The following KCNH8 variants were observed in gnomAD, a reference collection of about 807,000 sequenced individuals.
KCNH8 encodes potassium voltage-gated channel subfamily H member 8, also known as voltage-gated delayed rectifier potassium channel KCNH8.
KCNH8 carries 70 observed loss-of-function variants against 103.6 expected under a neutral mutation model. The ratio of observed to expected loss-of-function variants is 0.68; its 90% CI spans 0.56 to 0.82. The LOEUF (loss-of-function observed/expected upper bound fraction) is 0.82, where lower values mean the gene tolerates loss of function less well. Ranked by LOEUF, KCNH8 falls within the 40% of genes least tolerant of loss-of-function variation. KCNH8 has a pLI of 0.00. For missense variants in KCNH8, 1,217 were observed against 1,329.9 expected, an observed-to-expected ratio of 0.92 and a Z score of 1.32; for synonymous variants, 498 against 489.4, an observed-to-expected ratio of 1.02 and a Z score of -0.23.
intron 11 of KCNH8, among the ~76,000 whole-genome samples, chr3:19,479,273 T>C (rs985192755): frequency 6.6e-6 from 1 of 152,176 alleles, no homozygotes; most frequent in African/African-American, 2.4e-5. Context: ...TGTACTTCTG[T>C]ATCAGAAGTG....
At chr3:19,271,190 G>C (rs1175032500) in intron 2 of KCNH8, among the ~76,000 whole-genome samples, 2 of 152,120 alleles carry the variant, frequency 1.3e-5, no homozygotes, top group Admixed American at 6.6e-5. Context: ...GAAACTGAGA[G>C]TCATATGATT....
At chr3:19,231,181 T>G (rs2063990486) in intron 1 of KCNH8, among the ~76,000 whole-genome samples, 1 of 152,120 alleles carries the variant, frequency 6.6e-6, no homozygotes, top group South Asian at 2.1e-4. Flanking sequence ...TCTTAAAAAT[T>G]TGATTTATTA....
At chr3:19,236,536 CTGGTTAAAA>C (rs1447150133) in intron 1 of KCNH8, among the ~76,000 whole-genome samples, 3 of 152,132 alleles carry the variant, frequency 2.0e-5, no homozygotes, top group Non-Finnish European at 4.4e-5. Flanking sequence ...TAAGAGGGCA[CTGGTTAAAA>C]TCTTATAATT....
At chr3:19,493,055 G>C (rs754593495) in intron 11 of KCNH8, among the ~76,000 whole-genome samples, 1 of 151,072 alleles carries the variant, frequency 6.6e-6, no homozygotes, top group Non-Finnish European at 1.5e-5. Context: ...AAATGCTATT[G>C]ATTTTTGTAC....
chr3:19,272,085 A>G (rs1420941996), intron 2 of KCNH8, among the ~76,000 whole-genome samples: 1 of 152,112 alleles, frequency 6.6e-6, no homozygotes. Context: ...TCCTGGCTTC[A>G]TTATTGAATG....
At chr3:19,233,702 G>A (rs1329981172) in intron 1 of KCNH8, among the ~76,000 whole-genome samples, 2 of 152,260 alleles carry the variant, frequency 1.3e-5, no homozygotes, top group African/African-American at 4.8e-5. Flanking sequence ...TTCCTCTCAC[G>A]TGTCAAAGAT....
At chr3:19,151,482 C>A (rs1177850900) in intron 1 of KCNH8, among the ~76,000 whole-genome samples, 1 of 151,936 alleles carries the variant, frequency 6.6e-6, no homozygotes, top group African/African-American at 2.4e-5. Flanking sequence ...CAAACAACAA[C>A]CCTGGCAAAC....
intron 7 of KCNH8, among the ~76,000 whole-genome samples, chr3:19,411,776 GACACAC>G (rs148081857): frequency 6.8e-6 from 1 of 146,192 alleles, no homozygotes. Context: ...CACACACACA[GACACAC>G]ACACACACAC....
intron 12 of KCNH8, among the ~76,000 whole-genome samples, chr3:19,512,766 A>G (rs946746936): frequency 6.6e-6 from 1 of 152,158 alleles, no homozygotes; most frequent in African/African-American, 2.4e-5. Context: ...AAGAAAGCAT[A>G]GAGAGTAAAC....
chr3:19,453,443 A>T lies in KCNH8; in HGVS notation c.1825+2039A>T, dbSNP rs558529710. Reference sequence around the variant, plus strand: ...AGCTTCAAAATAGATTATATTTTGGAAGAGAAAAAGAGAACTAATATGTAT... The same window carrying T: ...AGCTTCAAAATAGATTATATTTTGGTAGAGAAAAAGAGAACTAATATGTAT... On this transcript the variant is annotated intron_variant, in intron 10 of 15. Coordinates refer to ENST00000328405, the MANE Select transcript of KCNH8 (RefSeq NM_144633.3). Among the ~76,000 whole-genome samples the T allele has an allele frequency of 2.0e-4, 31 of 152,294 alleles. No individual in the cohort carries two copies. In the East Asian group the frequency reaches 5.2e-3, roughly 26 times the overall value.
At chr3:19,155,347 T>G (rs867383616) in intron 1 of KCNH8, among the ~76,000 whole-genome samples, 7 of 152,200 alleles carry the variant, frequency 4.6e-5, no homozygotes, top group African/African-American at 1.7e-4. Context: ...TCTTTATTGC[T>G]TCTGTTTTAA....
In KCNH8 at chr3:19,513,221, C is replaced by G. The variant is rs769756860; in HGVS notation, c.2331C>G (p.Thr777=). 1.2e-6 allele frequency: 2 copies of G among 1,613,848 alleles called. No individual in the cohort carries two copies. The highest frequency in any genetic ancestry group is 1.7e-6 in the Non-Finnish European group (2 of 1,179,940). ...TCTCCAGGTCAAATTCCCCCAAAAC[C>G]AAGCAGGAAATTGACCCCCCCAACC... is the stretch of plus-strand genomic sequence containing the variant. ...IRVSRSNSPK[T]KQEIDPPNHN... is the part of the protein sequence containing the mutation. The change falls in exon 13 of 16, where the codon ACC becomes ACG. Residue 777 remains threonine (T), a synonymous_variant. Transcript: ENST00000328405.
intron 1 of KCNH8, among the ~76,000 whole-genome samples, chr3:19,232,651 G>T (rs1441585790): frequency 6.6e-6 from 1 of 152,174 alleles, no homozygotes; most frequent in Non-Finnish European, 1.5e-5. Context: ...ACTGTTTCCC[G>T]TTTGGCTTAG....
At chr3:19,514,434 A>C (rs1296252920) in intron 13 of KCNH8, among the ~76,000 whole-genome samples, 1 of 151,942 alleles carries the variant, frequency 6.6e-6, no homozygotes, top group Non-Finnish European at 1.5e-5. Context: ...ATAGGAAGAG[A>C]CTGTATTGGA....
chr3:19,164,737 A>C (rs917014926), intron 1 of KCNH8, among the ~76,000 whole-genome samples: 1 of 152,128 alleles, frequency 6.6e-6, no homozygotes, highest in African/African-American at 2.4e-5. Flanking sequence ...GAAGCTCAAC[A>C]TATAAAGTCG....
chr3:19,276,897 A>G (rs1401183850), intron 2 of KCNH8, among the ~76,000 whole-genome samples: 1 of 152,304 alleles, frequency 6.6e-6, no homozygotes, highest in South Asian at 2.1e-4. Context: ...TTAAAGAGAT[A>G]TCTGCATTCC....
In KCNH8 at chr3:19,301,155, C is replaced by T. The variant is rs766615348; in HGVS notation, c.442+19826C>T. 5.3e-5 allele frequency among the ~76,000 whole-genome samples: 8 copies of T among 151,660 alleles called. No individual in the cohort carries two copies. In the South Asian group the frequency reaches 1.5e-3, roughly 28 times the overall value. ...GGCAAAGCTAGGACTTGAACCCAAGCCCTATTAAGCTTGAGTCTCGACTCC... is the reference window on the plus strand; with the variant it reads ...GGCAAAGCTAGGACTTGAACCCAAGTCCTATTAAGCTTGAGTCTCGACTCC... On this transcript the variant is annotated intron_variant, in intron 3 of 15. Coordinates refer to ENST00000328405, the MANE Select transcript of KCNH8 (RefSeq NM_144633.3).
Position 19,355,610 on chromosome 3 carries a change from A to T in KCNH8, c.811+7645A>T, listed in dbSNP as rs1347973585. 2.6e-5 allele frequency among the ~76,000 whole-genome samples: 4 copies of T among 152,148 alleles called. No individual in the cohort carries two copies. In the South Asian group the frequency reaches 8.3e-4, roughly 32 times the overall value. On this transcript the variant is annotated intron_variant, in intron 5 of 15. Transcript: ENST00000328405. ...GACATGGATGAAGCTAGAAACCATC[A>T]TTCTGAGCAAACTGTTGCAAGGATA... is the stretch of plus-strand genomic sequence containing the variant.
chr3:19,342,848 C>A, intron 4 of KCNH8, 134 bp downstream of exon 4: 1 of 753,104 alleles, frequency 1.3e-6, no homozygotes, highest in South Asian at 1.8e-5. Flanking sequence ...TTGTGCTTTT[C>A]TATAAAGAAC....
Sources: allele counts gnomAD v4.1 joint callset (sites outside exome capture counted in the v4.1 genomes callset), GRCh38; gene constraint gnomAD v4.1.1; transcripts MANE v1.5; gene names NCBI Gene and HGNC (gene_info 2026-07-23, HGNC 2026-07-21).